TYW1B: variants seen among roughly 807,000 people sequenced by gnomAD.
The protein encoded by TYW1B is tRNA-yW synthesizing protein 1 homolog B.
In TYW1B, 73 loss-of-function variants were observed where a neutral mutation model predicts 86.9. The observed-to-expected ratio is 0.84, with a 90% CI of 0.70 to 1.02. The LOEUF (loss-of-function observed/expected upper bound fraction) is 1.02. Among genes scored for constraint, TYW1B ranks in the 50% least tolerant of loss-of-function variants. TYW1B has a pLI of 0.00. For missense variants in TYW1B, 637 were observed against 827.4 expected, an observed-to-expected ratio of 0.77 and a Z score of 2.82; for synonymous variants, 248 against 292.8, an observed-to-expected ratio of 0.85 and a Z score of 1.56.
chr7:72,699,104 T>C (rs1437804999), intron 10 of TYW1B, among the ~76,000 whole-genome samples: 1 of 151,224 alleles, frequency 6.6e-6, no homozygotes, highest in African/African-American at 2.4e-5. Context: ...TGGGTATAAA[T>C]GGAGGAGTGA....
chr7:72,767,273 C>G (rs1343162195), intron 7 of TYW1B, among the ~76,000 whole-genome samples: 37 of 152,224 alleles, frequency 2.4e-4, no homozygotes, highest in African/African-American at 8.4e-4. Context: ...ATAATTATTT[C>G]AAAACAATTA....
chr7:72,614,591 T>C (rs1260358215), intron 13 of TYW1B, among the ~76,000 whole-genome samples: 1 of 148,974 alleles, frequency 6.7e-6, no homozygotes, highest in Non-Finnish European at 1.5e-5. Flanking sequence ...CGAGGTTGCG[T>C]CACCACACTC....
rs527440519 is a variant in TYW1B at position 72,754,171 on chromosome 7, G to A, written c.965-9570C>T. Among the ~76,000 whole-genome samples the A allele has an allele frequency of 5.3e-5, 8 of 151,938 alleles. No individual in the cohort carries two copies. In the South Asian group the frequency reaches 1.5e-3, roughly 28 times the overall value. ...TGTTTTGGTTTTGAGATGGAGTCTC[G>A]CTCTGTTGCCCAGGCTGGAGTGTGG... On this transcript the variant is annotated intron_variant, in intron 7 of 13. Coordinates refer to ENST00000620995, the MANE Select transcript of TYW1B (RefSeq NM_001145440.3).
At chr7:72,720,209 T>C (rs1786869972) in intron 9 of TYW1B, among the ~76,000 whole-genome samples, 2 of 152,090 alleles carry the variant, frequency 1.3e-5, no homozygotes, top group Non-Finnish European at 2.9e-5. Flanking sequence ...TACAAAGTGT[T>C]TGGCTCCAGC....
chr7:72,674,009 CAGG>C lies in TYW1B; in HGVS notation c.1506+20675_1506+20677del, dbSNP rs536790064. Among the ~76,000 whole-genome samples, 12 of 152,040 alleles carry C rather than the reference CAGG, an allele frequency of 7.9e-5. No individual in the cohort carries two copies. The South Asian group carries it at 1.5e-3, about 18-fold the overall frequency. ...GAATAAACACCTGAAGCAGAGAAAC[CAGG>C]AGGACTACCAGTTCAATACCCACCA... is the stretch of plus-strand genomic sequence containing the variant. On this transcript the variant is annotated intron_variant, in intron 11 of 13. Coordinates refer to ENST00000620995, the MANE Select transcript of TYW1B (RefSeq NM_001145440.3).
intron 11 of TYW1B, among the ~76,000 whole-genome samples, chr7:72,663,758 T>C (rs1357611919): frequency 3.8e-5 from 2 of 52,566 alleles, no homozygotes; most frequent in African/African-American, 7.6e-5. Context: ...CAAGACTCCA[T>C]CTCAAAAAAA....
chr7:72,713,703 T>A lies in TYW1B; in HGVS notation c.1288A>T (p.Ile430Phe). ...LVGEPIMYPE[I>F]NRFLKLLHQC... The stretch of plus-strand genomic sequence containing the variant: ...TGGAGTAGCTTCAAAAACCTGTTGA[T>A]CTCTGGGTACATTATTGGTTCTCCC... The change falls in exon 10 of 14, where the codon ATC (isoleucine) becomes TTC (phenylalanine). Residue 430 changes from isoleucine (I) to phenylalanine (F), a missense_variant. Transcript: ENST00000620995. 4 of 1,613,904 alleles carry A rather than the reference T, an allele frequency of 2.5e-6. No individual in the cohort carries two copies. Among genetic ancestry groups the A allele is most frequent in the Non-Finnish European group, 3.4e-6 (4 of 1,179,976 alleles).
chr7:72,775,236 G>T (rs1251709145), intron 7 of TYW1B, among the ~76,000 whole-genome samples: 3 of 151,980 alleles, frequency 2.0e-5, no homozygotes, highest in Admixed American at 2.0e-4. Flanking sequence ...TGGGTGGGTG[G>T]GGAGGAGAAT....
At chr7:72,625,896 CGG>C (rs71876528) in intron 12 of TYW1B, among the ~76,000 whole-genome samples, 14 of 71,372 alleles carry the variant, frequency 2.0e-4, no homozygotes, top group Admixed American at 5.0e-4. Context: ...AGAGGTGGGG[CGG>C]GGGGGGGGGA....
At chr7:72,761,169 T>C (rs1554467134) in intron 7 of TYW1B, among the ~76,000 whole-genome samples, 1 of 152,154 alleles carries the variant, frequency 6.6e-6, no homozygotes, top group Non-Finnish European at 1.5e-5. Flanking sequence ...ACTCATTAAA[T>C]GTCTGGGTTA....
At chr7:72,805,746 G>A (rs541027645) in intron 5 of TYW1B, among the ~76,000 whole-genome samples, 1 of 152,264 alleles carries the variant, frequency 6.6e-6, no homozygotes, top group South Asian at 2.1e-4. Flanking sequence ...GGTTGCTGGA[G>A]GTGTGAAGGC....
chr7:72,613,466 C>T (rs1440441335), intron 13 of TYW1B, among the ~76,000 whole-genome samples: 1 of 123,420 alleles, frequency 8.1e-6, no homozygotes, highest in Non-Finnish European at 1.6e-5. Flanking sequence ...GGAGTGCAGT[C>T]GTCCAGGCTT....
chr7:72,680,204 T>G (rs552823100), intron 11 of TYW1B, among the ~76,000 whole-genome samples: 1 of 152,070 alleles, frequency 6.6e-6, no homozygotes, highest in South Asian at 2.1e-4. Context: ...TGTGAGGGTG[T>G]TGCCAAAGGA....
chr7:72,575,311 C>T lies in TYW1B; in HGVS notation c.*187G>A, dbSNP rs547164747. 722 of 1,421,948 alleles carry T rather than the reference C, an allele frequency of 5.1e-4. 1 individual carries two copies. Among genetic ancestry groups the T allele is most frequent in the Middle Eastern group, 1.1e-3 (4 of 3,804 alleles). The allele number at this position is 1,421,948 out of a possible 1,614,324, so 88.1% of individuals were successfully genotyped here. A position where few individuals can be genotyped will look rare whatever the true frequency, so the allele number is the denominator to read the frequency against. On this transcript the variant is annotated 3_prime_UTR_variant, in exon 14 of 14. Coordinates refer to ENST00000620995, the MANE Select transcript of TYW1B (RefSeq NM_001145440.3). ...GGGGCTGAGTTCTGAAAAGAAACATCGGGGCTGTGGCCCAGGCCCTCTGAG... is the reference window on the plus strand; with the variant it reads ...GGGGCTGAGTTCTGAAAAGAAACATTGGGGCTGTGGCCCAGGCCCTCTGAG...
intron 8 of TYW1B, among the ~76,000 whole-genome samples, chr7:72,732,867 GA>G (rs1178558981): frequency 1.0e-4 from 15 of 148,684 alleles, no homozygotes; most frequent in Admixed American, 4.0e-4. Flanking sequence ...AACTAACCAA[GA>G]AAAAAAAAGA....
chr7:72,651,861 CAT>C (rs1563046143), intron 11 of TYW1B, among the ~76,000 whole-genome samples: 2 of 152,056 alleles, frequency 1.3e-5, no homozygotes, highest in African/African-American at 2.4e-5. Context: ...ACAATAGACA[CAT>C]GTAATAAAAA....
intron 11 of TYW1B, among the ~76,000 whole-genome samples, chr7:72,669,267 C>G (rs1554445882): frequency 6.6e-6 from 1 of 151,062 alleles, no homozygotes; most frequent in South Asian, 2.1e-4. Flanking sequence ...GCCTCAGCCT[C>G]CCAAGTAGCT....
intron 7 of TYW1B, among the ~76,000 whole-genome samples, chr7:72,756,232 T>TTTTATTTTATTTTAC (rs1440464637): frequency 3.9e-4 from 58 of 150,482 alleles, no homozygotes; most frequent in Middle Eastern, 3.4e-3. Flanking sequence ...TTTTATTTTA[T>TTTTATTTTATTTTAC]TTTATTTTAT....
At chr7:72,671,745 T>C (rs1373630661) in intron 11 of TYW1B, among the ~76,000 whole-genome samples, 7 of 152,132 alleles carry the variant, frequency 4.6e-5, no homozygotes, top group African/African-American at 1.7e-4. Context: ...ATTTTCAGTA[T>C]GTTTAGGACA....
Sources: gnomAD v4.1 joint callset for allele counts (sites outside exome capture counted in the v4.1 genomes callset) on GRCh38, gnomAD v4.1.1 for gene constraint, MANE v1.5 for transcripts, NCBI Gene and HGNC (gene_info 2026-07-23, HGNC 2026-07-21) for gene names.